HDAC9: variants seen among roughly 807,000 people sequenced by gnomAD.
HDAC9 encodes MEF-2 interacting transcription repressor (MITR) protein.
Under a neutral mutation model 139.4 loss-of-function variants are expected in HDAC9, and 41 were observed. The observed-to-expected ratio is 0.29, with a 90% CI of 0.23 to 0.38. The LOEUF (loss-of-function observed/expected upper bound fraction) is 0.38. HDAC9 is among the 10% of genes least tolerant of loss of function. HDAC9 has a pLI of 1.00. For missense variants in HDAC9, 1,147 were observed against 1,297.0 expected (o/e 0.88, Z 1.78); for synonymous variants, 517 against 476.2 (o/e 1.09, Z -1.12).
At chr7:18,249,801 C>T (rs1794805055) in intron 2 of HDAC9, among the ~76,000 whole-genome samples, 1 of 152,006 alleles carries the variant, frequency 6.6e-6, no homozygotes, top group South Asian at 2.1e-4. Flanking sequence ...TTATAATCTT[C>T]CTTTTAATGA....
intron 13 of HDAC9, among the ~76,000 whole-genome samples, chr7:18,741,784 G>T (rs2129142083): frequency 6.6e-6 from 1 of 152,302 alleles, no homozygotes; most frequent in Non-Finnish European, 1.5e-5. Flanking sequence ...GAACATTCAT[G>T]ATTCATGGGA....
intron 9 of HDAC9, 113 bp downstream of exon 9, chr7:18,644,906 A>G: frequency 5.9e-6 from 6 of 1,021,764 alleles, no homozygotes; most frequent in Non-Finnish European, 8.2e-6. Context: ...CAGAGCCAGC[A>G]TCTCCTTCAC....
intron 1 of HDAC9, among the ~76,000 whole-genome samples, chr7:18,136,295 C>T (rs1785413228): frequency 6.6e-6 from 1 of 151,954 alleles, no homozygotes; most frequent in African/African-American, 2.4e-5. Flanking sequence ...TGTGCAGAAG[C>T]TCTTGAGTTT....
At chr7:18,900,985 T>A (rs1045303322) in intron 22 of HDAC9, among the ~76,000 whole-genome samples, 4 of 152,190 alleles carry the variant, frequency 2.6e-5, no homozygotes, top group African/African-American at 9.6e-5. Context: ...ATACTGTTTT[T>A]GAAGTTTGGG....
Position 18,162,826 on chromosome 7 carries a change from T to C in HDAC9, c.25+477T>C, listed in dbSNP as rs540040387. On this transcript the variant is annotated intron_variant, in intron 2 of 12. Transcript: ENST00000417496. The stretch of plus-strand genomic sequence containing the variant: ...TTTGCTGCCATTCCTGTTTCCTATA[T>C]ACATATTTAATTATAATCTCAGCAC... Among the ~76,000 whole-genome samples, 4 of 152,276 alleles carry C rather than the reference T, an allele frequency of 2.6e-5. No homozygotes were observed. In the East Asian group the frequency reaches 5.8e-4, roughly 22 times the overall value.
intron 8 of HDAC9, among the ~76,000 whole-genome samples, chr7:18,642,593 G>A (rs925928403): frequency 6.6e-6 from 1 of 152,022 alleles, no homozygotes; most frequent in African/African-American, 2.4e-5. Flanking sequence ...TCTGGCCCAG[G>A]ACACCATGGT....
At position 18,171,657 on chromosome 7, in the gene HDAC9, G is replaced by C. The variant is rs371016129; in HGVS notation, c.25+9308G>C. Among the ~76,000 whole-genome samples the C allele has an allele frequency of 7.2e-5, 11 of 152,194 alleles. No individual in the cohort carries two copies. The East Asian group carries it at 7.7e-4, about 11-fold the overall frequency. ...TTTATTGAGAATTTTTAGCATGAAG[G>C]GCTGTTGAATTTTGTCTAAGGCCTT... On this transcript the variant is annotated intron_variant, in intron 2 of 12. Coordinates refer to the HDAC9 transcript ENST00000417496.
chr7:18,557,467 A>T (rs1307941215), intron 2 of HDAC9, among the ~76,000 whole-genome samples: 1 of 149,594 alleles, frequency 6.7e-6, no homozygotes, highest in Admixed American at 6.7e-5. Flanking sequence ...TATTTTAGTT[A>T]TGTTATCTGT....
In HDAC9 at chr7:18,888,607, C is replaced by T. The variant is rs1387516782; in HGVS notation, c.2803+14011C>T. 2.0e-5 allele frequency among the ~76,000 whole-genome samples: 3 copies of T among 152,182 alleles called. No homozygotes were observed. The South Asian group carries it at 6.2e-4, about 31-fold the overall frequency. ...TCGACCTCCCACCTTAACACTATCC[C>T]CAGATCTTAGTATCAGCTTCTTCCA... On this transcript the variant is annotated intron_variant, in intron 22 of 25. Transcript: ENST00000686413.
intron 2 of HDAC9, among the ~76,000 whole-genome samples, chr7:18,277,249 A>C (rs967049207): frequency 1.3e-5 from 2 of 152,202 alleles, no homozygotes; most frequent in South Asian, 4.1e-4. Context: ...CGCCTGCGGC[A>C]CTGAAGAAAC....
At position 18,907,604 on chromosome 7, in the gene HDAC9, A is replaced by G. The variant is rs542411453; in HGVS notation, c.2804-28205A>G. Among the ~76,000 whole-genome samples, 54 of 152,346 alleles carry G rather than the reference A, an allele frequency of 3.5e-4. 2 individuals are homozygous for G. The highest frequency in any genetic ancestry group is 1.3e-3 in the African/African-American group (54 of 41,588). ...CCACAGGCTTTCTGGGAAGGGCCAC[A>G]GGGCTTTGGAGCTATAGCTAGATAA... On this transcript the variant is annotated intron_variant, in intron 22 of 25. Transcript: ENST00000686413.
chr7:18,845,696 A>G (rs1433702647), intron 21 of HDAC9, among the ~76,000 whole-genome samples: 1 of 152,156 alleles, frequency 6.6e-6, no homozygotes, highest in Non-Finnish European at 1.5e-5. Context: ...ACAGCTAATG[A>G]ACCAGCTGAA....
intron 1 of HDAC9, among the ~76,000 whole-genome samples, chr7:18,339,434 A>G (rs1188577472): frequency 6.6e-6 from 1 of 151,414 alleles, no homozygotes; most frequent in Non-Finnish European, 1.5e-5. Flanking sequence ...CTATTTTAGC[A>G]GCAATCTGCA....
intron 22 of HDAC9, among the ~76,000 whole-genome samples, chr7:18,917,322 A>G (rs1468155076): frequency 2.0e-5 from 3 of 152,024 alleles, no homozygotes; most frequent in African/African-American, 7.2e-5. Flanking sequence ...TTTGAAAAAA[A>G]ACTGGGATTT....
intron 1 of HDAC9, among the ~76,000 whole-genome samples, chr7:18,142,558 A>G (rs1023407443): frequency 1.3e-5 from 2 of 152,188 alleles, no homozygotes; most frequent in African/African-American, 4.8e-5. Flanking sequence ...TGCCTCCCTC[A>G]CCATGCAAGG....
intron 1 of HDAC9, among the ~76,000 whole-genome samples, chr7:18,370,740 T>C (rs1384564335): frequency 1.3e-5 from 2 of 152,210 alleles, no homozygotes; most frequent in Non-Finnish European, 2.9e-5. Flanking sequence ...TGGTCCATAA[T>C]GGTTTGTGTA....
At chr7:18,793,529 G>C in intron 17 of HDAC9, 77 bp downstream of exon 17, 1 of 949,046 alleles carries the variant, frequency 1.1e-6, no homozygotes, top group Non-Finnish European at 1.7e-6. Context: ...TGGGAATTGC[G>C]GGGAGTGTGG....
chr7:18,296,655 G>C (rs954620375), intron 1 of HDAC9, among the ~76,000 whole-genome samples: 1 of 152,194 alleles, frequency 6.6e-6, no homozygotes, highest in African/African-American at 2.4e-5. Context: ...GTCTATGCCT[G>C]TAGGATGGAT....
chr7:18,651,966 T>C (rs1256973303), intron 11 of HDAC9, among the ~76,000 whole-genome samples: 1 of 152,112 alleles, frequency 6.6e-6, no homozygotes, highest in East Asian at 1.9e-4. Context: ...TTATCTCTGC[T>C]CATGAGTTTG....
Sources: gnomAD v4.1 joint callset for allele counts (sites outside exome capture counted in the v4.1 genomes callset) on GRCh38, gnomAD v4.1.1 for gene constraint, MANE v1.5 for transcripts, NCBI Gene and HGNC (gene_info 2026-07-23, HGNC 2026-07-21) for gene names.